Variants in BRD10 observed in about 807,000 individuals in gnomAD.
The protein encoded by BRD10 is uncharacterized bromodomain-containing protein 10.
the BRD10 span, among the ~76,000 whole-genome samples, chr9:5,992,294 G>A: frequency 6.6e-6 from 1 of 152,024 alleles, no homozygotes; most frequent in East Asian, 1.9e-4. Context: ...GAAAGTATTT[G>A]GAAGAACACA....
At chr9:5,954,150 C>CA in the BRD10 span, 1 of 939,794 alleles carries the variant, frequency 1.1e-6, no homozygotes, top group Non-Finnish European at 1.6e-6. Context: ...ACTTCATTAA[C>CA]AAAAAACAAA....
At chr9:5,920,684 G>A in the BRD10 span, 1 of 1,613,970 alleles carries the variant, frequency 6.2e-7, no homozygotes, top group Non-Finnish European at 8.5e-7. Flanking sequence ...AGAACGTGTG[G>A]CTCCTGGTAC....
At chr9:5,940,355 T>C in the BRD10 span, among the ~76,000 whole-genome samples, 2 of 152,098 alleles carry the variant, frequency 1.3e-5, no homozygotes, top group South Asian at 4.2e-4. Context: ...CACTACAGCC[T>C]GGCTAATTTT....
chr9:5,917,491 TCA>T, the BRD10 span, among the ~76,000 whole-genome samples: 1 of 152,206 alleles, frequency 6.6e-6, no homozygotes, highest in Admixed American at 6.5e-5. Flanking sequence ...GTTCACCAGA[TCA>T]CACAGAGCTA....
chr9:5,899,029 T>C, the BRD10 span: 1 of 152,246 alleles, frequency 6.6e-6, no homozygotes, highest in Non-Finnish European at 1.5e-5. Flanking sequence ...ACTGAGTTTA[T>C]AAGCTATAAA....
chr9:5,952,774 A>ACTACT, the BRD10 span, among the ~76,000 whole-genome samples: 1 of 152,240 alleles, frequency 6.6e-6, no homozygotes, highest in Non-Finnish European at 1.5e-5. Flanking sequence ...GAGAAATAGT[A>ACTACT]AACACAGGTG....
chr9:5,888,082 G>A, the BRD10 span, among the ~76,000 whole-genome samples: 1 of 152,186 alleles, frequency 6.6e-6, no homozygotes, highest in African/African-American at 2.4e-5. Flanking sequence ...GGGTCCTCAG[G>A]TATTATGGGA....
the BRD10 span, among the ~76,000 whole-genome samples, chr9:5,990,024 G>A: frequency 2.0e-5 from 3 of 152,094 alleles, no homozygotes; most frequent in East Asian, 1.9e-4. Context: ...TCTGTTATAC[G>A]GTGATAACAC....
the BRD10 span, among the ~76,000 whole-genome samples, chr9:5,947,382 C>T: frequency 6.6e-6 from 1 of 152,040 alleles, no homozygotes; most frequent in Admixed American, 6.6e-5. Flanking sequence ...AACATGGCTA[C>T]TGGAACATTC....
the BRD10 span, chr9:5,968,338 T>C: frequency 1.9e-6 from 3 of 1,609,794 alleles, no homozygotes; most frequent in African/African-American, 1.3e-5. Flanking sequence ...TTTCTTTTAA[T>C]GGACTGGGTT....
chr9:6,008,022 G>A, the BRD10 span: 9 of 1,205,834 alleles, frequency 7.5e-6, no homozygotes, highest in East Asian at 2.2e-4. Context: ...GAGCCTAGGT[G>A]CCCTCCTCTC....
chr9:5,885,091 G>A, the BRD10 span, among the ~76,000 whole-genome samples: 1 of 152,262 alleles, frequency 6.6e-6, no homozygotes, highest in African/African-American at 2.4e-5. Flanking sequence ...TGGCTGCTGG[G>A]GCTTCCCCTT....
At chr9:6,002,843 AT>A in the BRD10 span, among the ~76,000 whole-genome samples, 1 of 151,746 alleles carries the variant, frequency 6.6e-6, no homozygotes, top group Admixed American at 6.6e-5. Flanking sequence ...CACCTGGCTA[AT>A]TTTTTTTGTT....
the BRD10 span, among the ~76,000 whole-genome samples, chr9:5,971,511 A>T: frequency 6.6e-6 from 1 of 152,240 alleles, no homozygotes; most frequent in African/African-American, 2.4e-5. Flanking sequence ...ATTGCAATCC[A>T]GTAAGATAAA....
the BRD10 span, chr9:5,921,847 G>A: frequency 3.7e-6 from 6 of 1,613,968 alleles, no homozygotes; most frequent in Non-Finnish European, 5.1e-6. Flanking sequence ...CTATCACGTG[G>A]CCCAAATCAC....
the BRD10 span, among the ~76,000 whole-genome samples, chr9:5,891,866 T>C: frequency 1.3e-5 from 2 of 152,184 alleles, no homozygotes; most frequent in Admixed American, 6.5e-5. Flanking sequence ...GAAGCCCCTG[T>C]GTGGGGTGGT....
chr9:5,899,321 T>C, the BRD10 span: 4 of 152,268 alleles, frequency 2.6e-5, no homozygotes, highest in Non-Finnish European at 5.9e-5. Flanking sequence ...AAGGAGAAGG[T>C]GAGAGATACA....
the BRD10 span, among the ~76,000 whole-genome samples, chr9:5,945,772 A>G: frequency 6.6e-6 from 1 of 152,094 alleles, no homozygotes; most frequent in Non-Finnish European, 1.5e-5. Flanking sequence ...TTTTCCTAAA[A>G]TAATTTAAGC....
At chr9:5,965,290 C>T in the BRD10 span, among the ~76,000 whole-genome samples, 1 of 150,936 alleles carries the variant, frequency 6.6e-6, no homozygotes, top group African/African-American at 2.4e-5. Flanking sequence ...AATCATTACT[C>T]GAAAAAAAGC....
Sources: gnomAD v4.1 joint callset for allele counts (sites outside exome capture counted in the v4.1 genomes callset) on GRCh38, gnomAD v4.1.1 for gene constraint, MANE v1.5 for transcripts, NCBI Gene and HGNC (gene_info 2026-07-23, HGNC 2026-07-21) for gene names.